Variants in TXNDC16 observed in about 807,000 individuals in gnomAD.
The protein encoded by TXNDC16 is thioredoxin domain containing 16, also known as thioredoxin domain-containing protein 16.
TXNDC16 carries 74 observed loss-of-function variants against 85.6 expected under a neutral mutation model. The ratio of observed to expected loss-of-function variants is 0.86; its 90% CI spans 0.72 to 1.05. The LOEUF (loss-of-function observed/expected upper bound fraction) is 1.05, where lower values mean the gene tolerates loss of function less well. Among genes scored for constraint, TXNDC16 ranks in the 50% least tolerant of loss-of-function variants. TXNDC16 has a pLI of 0.00. For missense variants in TXNDC16, 959 were observed against 947.0 expected, an observed-to-expected ratio of 1.01 and a Z score of -0.17; for synonymous variants, 335 against 326.5, an observed-to-expected ratio of 1.03 and a Z score of -0.28.
chr14:52,454,963 T>A (rs139736394), intron 18 of TXNDC16, among the ~76,000 whole-genome samples: 1 of 152,218 alleles, frequency 6.6e-6, no homozygotes, highest in African/African-American at 2.4e-5. Context: ...ATTTTATGCA[T>A]GCAGAAACCG....
intron 14 of TXNDC16, among the ~76,000 whole-genome samples, chr14:52,480,694 T>C (rs2036124275): frequency 6.6e-6 from 1 of 151,914 alleles, no homozygotes; most frequent in Admixed American, 6.6e-5. Flanking sequence ...GTGGATGTGG[T>C]GAACAGGGAA....
In TXNDC16 at chr14:52,470,170, G is replaced by A. The variant is rs1332561612; in HGVS notation, c.1485C>T (p.Asn495=). The change falls in exon 16 of 21, where the codon AAC becomes AAT. Residue 495 remains asparagine, a synonymous_variant. Coordinates refer to ENST00000281741, the MANE Select transcript of TXNDC16 (RefSeq NM_020784.3). ...TTATATTCACTGGATATGAAATCCT[G>A]TTGCTGGATAAACATATAACTATAT... ...TEDLLKFIQL[N]RISYPVNITS... The A allele has an allele frequency of 6.3e-7, 1 of 1,594,478 alleles. No individual in the cohort carries two copies.
Position 52,519,264 on chromosome 14 carries a change from A to T in TXNDC16, c.422T>A (p.Ile141Asn). ...GTTCTGAAGGTCTTCCAGGTTGGTAATATATTTCACTTCACTAAAAAGAAG... is the reference window on the plus strand; with the variant it reads ...GTTCTGAAGGTCTTCCAGGTTGGTATTATATTTCACTTCACTAAAAAGAAG... ...FALLFSEVKY[I>N]TNLEDLQNIE... Residue 141 changes from isoleucine to asparagine, a missense_variant, in exon 7 of 21, where the codon ATT becomes AAT. Transcript: ENST00000281741. 2 of 1,603,004 alleles carry T rather than the reference A, an allele frequency of 1.2e-6. No homozygotes were observed. The highest frequency in any genetic ancestry group is 2.7e-5 in the African/African-American group (2 of 74,626).
At chr14:52,490,555 T>C in intron 10 of TXNDC16, 104 bp from the exon 11 acceptor site, 1 of 924,250 alleles carries the variant, frequency 1.1e-6, no homozygotes, top group Non-Finnish European at 1.6e-6. Context: ...CTAAAAATTA[T>C]GAAAAAATAT....
At chr14:52,446,731 G>C (rs1370272876) in intron 18 of TXNDC16, among the ~76,000 whole-genome samples, 1 of 152,152 alleles carries the variant, frequency 6.6e-6, no homozygotes, top group Non-Finnish European at 1.5e-5. Flanking sequence ...TTGGATACCA[G>C]CTCAGCCACA....
At chr14:52,507,768 T>C (rs1004313471) in intron 9 of TXNDC16, among the ~76,000 whole-genome samples, 16 of 152,156 alleles carry the variant, frequency 1.1e-4, no homozygotes, top group South Asian at 1.0e-3. Flanking sequence ...CGCATATCTA[T>C]AAGTATCTGA....
chr14:52,480,229 A>G (rs2036114495), intron 14 of TXNDC16, among the ~76,000 whole-genome samples: 2 of 151,934 alleles, frequency 1.3e-5, no homozygotes, highest in African/African-American at 4.8e-5. Context: ...AGAAGACAAC[A>G]TTGGAAAAAC....
Position 52,536,740 on chromosome 14 carries a change from G to C in TXNDC16, c.371C>G (p.Ala124Gly). ...FPTDTLFDVN[A>G]IVAHVLFALL... is the part of the protein sequence containing the mutation. ...TTACAAGAGAACATGGGCGACAATG[G>C]CATTCACATCAAACAAGGTGTCAGT... The change falls in exon 6 of 21, where the codon GCC becomes GGC. Residue 124 changes from alanine (A) to glycine (G), a missense_variant. Transcript: ENST00000281741. The C allele has an allele frequency of 6.2e-7, 1 of 1,611,354 alleles. No individual in the cohort carries two copies. Among genetic ancestry groups the C allele is most frequent in the Non-Finnish European group, 8.5e-7 (1 of 1,178,426 alleles).
intron 4 of TXNDC16, 47 bp downstream of exon 4, chr14:52,542,324 G>C (rs773817062): frequency 4.0e-6 from 5 of 1,252,122 alleles, no homozygotes; most frequent in Non-Finnish European, 4.6e-6. Flanking sequence ...CCATAAAGTT[G>C]TAAGATGTTC....
chr14:52,436,796 T>C (rs1181308160), intron 20 of TXNDC16, among the ~76,000 whole-genome samples: 1 of 152,126 alleles, frequency 6.6e-6, no homozygotes, highest in Admixed American at 6.5e-5. Context: ...TGAGAATTTG[T>C]ATACCAGAGT....
At chr14:52,455,302 C>T in intron 18 of TXNDC16, 22 bp downstream of exon 18, 1 of 1,611,848 alleles carries the variant, frequency 6.2e-7, no homozygotes, top group Admixed American at 1.7e-5. Context: ...CAAGTATCAC[C>T]CTTATTATAA....
At chr14:52,547,864 T>C (rs888046795) in intron 1 of TXNDC16, among the ~76,000 whole-genome samples, 2 of 152,234 alleles carry the variant, frequency 1.3e-5, no homozygotes, top group African/African-American at 2.4e-5. Context: ...GAACTACATA[T>C]ACAAAGGAAA....
At chr14:52,496,115 G>A (rs1216393294) in intron 9 of TXNDC16, among the ~76,000 whole-genome samples, 5 of 151,010 alleles carry the variant, frequency 3.3e-5, no homozygotes, top group African/African-American at 4.9e-5. Context: ...AGCCGAGATC[G>A]CTCCGCTGCA....
chr14:52,533,007 C>T (rs1319283422), intron 6 of TXNDC16, among the ~76,000 whole-genome samples: 4 of 152,116 alleles, frequency 2.6e-5, no homozygotes, highest in African/African-American at 4.8e-5. Flanking sequence ...AAAATGAGGA[C>T]ACTGCCTCTT....
intron 6 of TXNDC16, among the ~76,000 whole-genome samples, chr14:52,519,803 T>C (rs983335552): frequency 6.6e-6 from 1 of 152,260 alleles, no homozygotes; most frequent in Admixed American, 6.5e-5. Flanking sequence ...CTCCATTTCA[T>C]AAGTATGATC....
At chr14:52,434,372 C>CAAATAA (rs1382081124) in intron 20 of TXNDC16, among the ~76,000 whole-genome samples, 1 of 152,140 alleles carries the variant, frequency 6.6e-6, no homozygotes, top group Non-Finnish European at 1.5e-5. Flanking sequence ...TTTTCAACTG[C>CAAATAA]AAATAAAACT....
intron 1 of TXNDC16, among the ~76,000 whole-genome samples, chr14:52,550,084 GT>G (rs1206103538): frequency 6.6e-6 from 1 of 152,180 alleles, no homozygotes; most frequent in Admixed American, 6.5e-5. Flanking sequence ...CCCTTGGTTA[GT>G]TCCCCCTTTA....
chr14:52,448,974 T>A (rs566959428), intron 18 of TXNDC16, among the ~76,000 whole-genome samples: 77 of 151,968 alleles, frequency 5.1e-4, no homozygotes, highest in Admixed American at 3.0e-3. Context: ...AAAAAAATTT[T>A]AAAAAAATTA....
chr14:52,527,662 G>A (rs1466878353), intron 6 of TXNDC16, among the ~76,000 whole-genome samples: 1 of 152,108 alleles, frequency 6.6e-6, no homozygotes, highest in Non-Finnish European at 1.5e-5. Context: ...CTCTTGCCTT[G>A]TCATTCAGTA....
Sources: allele counts gnomAD v4.1 joint callset (sites outside exome capture counted in the v4.1 genomes callset), GRCh38; gene constraint gnomAD v4.1.1; transcripts MANE v1.5; gene names NCBI Gene and HGNC (gene_info 2026-07-23, HGNC 2026-07-21).